Variants in ZC3H10 observed in about 807,000 individuals in gnomAD.
ZC3H10 encodes zinc finger CCCH-type containing 10.
ZC3H10 carries 12 observed loss-of-function variants against 24.3 expected under a neutral mutation model. The ratio of observed to expected loss-of-function variants is 0.49; its 90% CI spans 0.32 to 0.80. ZC3H10 has a LOEUF of 0.80. ZC3H10 is among the 30% of genes least tolerant of loss of function. The pLI, the probability that ZC3H10 is intolerant of heterozygous loss-of-function variation, is 0.04. For synonymous variants in ZC3H10, 226 were observed against 217.0 expected, an observed-to-expected ratio of 1.04 and a Z score of -0.36; for missense variants, 360 against 576.3, an observed-to-expected ratio of 0.62 and a Z score of 3.84.
In ZC3H10 at chr12:56,123,545, C is replaced by A. The variant is rs1333400927; in HGVS notation, c.*1678C>A. On this transcript the variant is annotated 3_prime_UTR_variant, in exon 3 of 3. Coordinates refer to ENST00000257940, the MANE Select transcript of ZC3H10 (RefSeq NM_032786.3). ...CAAGCGATTCTCTTGCGTCAGCCTCCCGAGTAGCTGAGACTACAGGCGCCC... is the reference window on the plus strand; with the variant it reads ...CAAGCGATTCTCTTGCGTCAGCCTCACGAGTAGCTGAGACTACAGGCGCCC... The A allele has an allele frequency of 1.3e-5, 2 of 151,788 alleles. No homozygotes were observed. Among genetic ancestry groups the A allele is most frequent in the East Asian group, 3.9e-4 (2 of 5,172 alleles). The allele number at this position is 151,788 out of a possible 1,614,324, so 9.4% of individuals were successfully genotyped here. A position where few individuals can be genotyped will look rare whatever the true frequency, so the allele number is the denominator to read the frequency against.
intron 2 of ZC3H10, chr12:56,120,208 C>T: frequency 9.5e-7 from 1 of 1,051,984 alleles, no homozygotes; most frequent in Non-Finnish European, 1.1e-6. Flanking sequence ...TTTAATTTCA[C>T]TTCCACAACT....
Position 56,121,118 on chromosome 12 carries a change from C to T in ZC3H10, c.556C>T (p.Arg186Cys), listed in dbSNP as rs145833211. The change falls in exon 3 of 3, where the codon CGT becomes TGT. Residue 186 changes from arginine to cysteine, a missense_variant. Arg to Cys is a radical substitution (Grantham distance 180). This residue lies in a region of ZC3H10 where 101 missense variants were observed against 110.8 expected (regional missense o/e 0.91). Transcript: ENST00000257940. This position sits in a 1 kb window ranked among gnomAD's most constrained non-coding sequence, Gnocchi z 6.2. ...AACAGGCTCAGTCCTCCCAGGACGA[C>T]GTCATGATCTCTATGATATCTATGA... ...GSTGSVLPGR[R>C]HDLYDIYDLP... 1.3e-4 allele frequency: 205 copies of T among 1,614,166 alleles called. No individual in the cohort carries two copies. The highest frequency in any genetic ancestry group is 1.5e-4 in the Non-Finnish European group (182 of 1,180,024).
rs1870024054 is a variant in ZC3H10, at chr12:56,127,222, C to G, written c.*5355C>G. ...CGGTGTACCCTGCACTTTTTCCTTC[C>G]TAAACCTACACCGTACACTGTGGGA... On this transcript the variant is annotated 3_prime_UTR_variant, in exon 3 of 3. Transcript: ENST00000257940. The G allele has an allele frequency of 6.6e-6, 1 of 152,192 alleles. No homozygotes were observed. The highest frequency in any genetic ancestry group is 2.4e-5 in the African/African-American group (1 of 41,452). 9.4% of individuals were successfully genotyped at this position (152,192 alleles called of 1,614,324 possible).
Position 56,127,124 on chromosome 12 carries a change from C to G in ZC3H10, c.*5257C>G, listed in dbSNP as rs937452191. Reference sequence around the variant, plus strand: ...TGACCAACACTTCCCTCATCAACTTCCAATTAGTCTAGTTCCTAGATCCTA... The same window carrying G: ...TGACCAACACTTCCCTCATCAACTTGCAATTAGTCTAGTTCCTAGATCCTA... On this transcript the variant is annotated 3_prime_UTR_variant, in exon 3 of 3. Coordinates refer to ENST00000257940, the MANE Select transcript of ZC3H10 (RefSeq NM_032786.3). The G allele has an allele frequency of 6.6e-6, 1 of 152,178 alleles. No individual in the cohort carries two copies. The allele number at this position is 152,178 out of a possible 1,614,324, so 9.4% of individuals were successfully genotyped here. A position where few individuals can be genotyped will look rare whatever the true frequency, so the allele number is the denominator to read the frequency against.
At position 56,121,854 on chromosome 12, in the gene ZC3H10, C is replaced by G. The variant is rs1190574204; in HGVS notation, c.1292C>G (p.Ala431Gly). 1 of 1,608,928 alleles carries G rather than the reference C, an allele frequency of 6.2e-7. No homozygotes were observed. The highest frequency in any genetic ancestry group is 8.5e-7 in the Non-Finnish European group (1 of 1,176,966). Residue 431 changes from alanine to glycine, a missense_variant, in exon 3 of 3, where the codon GCC becomes GGC. Around this residue, in one of 3 missense-constraint regions of ZC3H10, gnomAD observed 133 missense variants for 256.7 expected, o/e 0.52. Transcript: ENST00000257940. The surrounding 1 kb of genome is among the most constrained non-coding windows in gnomAD (Gnocchi z 6.2). ...GCTTCCCAGAGCATGCGCATCACGG[C>G]CATGCCACACTGATGGGGCTAATGG... The part of the protein sequence containing the change: ...PIASQSMRIT[A>G]MPH
In ZC3H10 at chr12:56,121,964, C is replaced by A; in HGVS notation, c.*97C>A. The A allele has an allele frequency of 7.3e-7, 1 of 1,369,892 alleles. No individual in the cohort carries two copies. Among genetic ancestry groups the A allele is most frequent in the Non-Finnish European group, 9.8e-7 (1 of 1,017,844 alleles). 84.9% of individuals were successfully genotyped at this position (1,369,892 alleles called of 1,614,324 possible). On this transcript the variant is annotated 3_prime_UTR_variant, in exon 3 of 3. Coordinates refer to ENST00000257940, the MANE Select transcript of ZC3H10 (RefSeq NM_032786.3). The surrounding 1 kb of genome is among the most constrained non-coding windows in gnomAD (Gnocchi z 6.2). ...GCCTTCCCCATCCCTGTCTGAAGGG[C>A]TCCCTTGAGAACTAGGACAAGAGAC...
chr12:56,122,329 G>T lies in ZC3H10; in HGVS notation c.*462G>T, dbSNP rs1172855517. 1 of 173,266 alleles carries T rather than the reference G, an allele frequency of 5.8e-6. No individual in the cohort carries two copies. The highest frequency in any genetic ancestry group is 1.4e-5 in the Non-Finnish European group (1 of 72,328). The allele number at this position is 173,266 out of a possible 1,614,324, so 10.7% of individuals were successfully genotyped here. A position where few individuals can be genotyped will look rare whatever the true frequency, so the allele number is the denominator to read the frequency against. ...CCTTCAGACAATTTGGGTCCTAGTT[G>T]CTTGGGTTGGACAATACAGGAATTG... On this transcript the variant is annotated 3_prime_UTR_variant, in exon 3 of 3. Transcript: ENST00000257940.
In ZC3H10 at chr12:56,121,032, G is replaced by C; in HGVS notation, c.470G>C (p.Arg157Pro). 1 of 1,614,184 alleles carries C rather than the reference G, an allele frequency of 6.2e-7. No individual in the cohort carries two copies. Among genetic ancestry groups the C allele is most frequent in the Non-Finnish European group, 8.5e-7 (1 of 1,180,040 alleles). Residue 157 changes from arginine to proline, a missense_variant, in exon 3 of 3, where the codon CGT becomes CCT. Coordinates refer to ENST00000257940, the MANE Select transcript of ZC3H10 (RefSeq NM_032786.3). This position sits in a 1 kb window ranked among gnomAD's most constrained non-coding sequence, Gnocchi z 6.2. ...CAGAGAGGAGCCAAGTGCAAGTTCCGTCACCTGCAACGGGATTTTGAGTTT... is the reference window on the plus strand; with the variant it reads ...CAGAGAGGAGCCAAGTGCAAGTTCCCTCACCTGCAACGGGATTTTGAGTTT... ...DCQRGAKCKF[R>P]HLQRDFEFDA...
chr12:56,118,587 T>G (rs1170889084), intron 1 of ZC3H10: 1 of 152,190 alleles, frequency 6.6e-6, no homozygotes, highest in Non-Finnish European at 1.5e-5. Flanking sequence ...TAGTGTCCCA[T>G]TCACGTAGCC....
rs752140442 is a variant in ZC3H10, at chr12:56,121,822, C to T, written c.1260C>T (p.Tyr420=). ...ACACCACCACTCCCATGGTGACTTA[C>T]CCTATCGCTTCCCAGAGCATGCGCA... ...MSHTTTPMVT[Y]PIASQSMRIT... is the part of the protein sequence containing the mutation. The change falls in exon 3 of 3, where the codon TAC becomes TAT. Residue 420 remains tyrosine, a synonymous_variant. Transcript: ENST00000257940. The surrounding 1 kb of genome is among the most constrained non-coding windows in gnomAD (Gnocchi z 6.2). 4 of 1,613,894 alleles carry T rather than the reference C, an allele frequency of 2.5e-6. No homozygotes were observed. In the East Asian group the frequency reaches 8.9e-5, roughly 36 times the overall value.
Position 56,121,683 on chromosome 12 carries a change from C to T in ZC3H10, c.1121C>T (p.Ala374Val). Residue 374 changes from alanine (A) to valine (V), a missense_variant, in exon 3 of 3, where the codon GCC becomes GTC. Around this residue, in one of 3 missense-constraint regions of ZC3H10, gnomAD observed 133 missense variants for 256.7 expected, o/e 0.52. Coordinates refer to ENST00000257940, the MANE Select transcript of ZC3H10 (RefSeq NM_032786.3). This position sits in a 1 kb window ranked among gnomAD's most constrained non-coding sequence, Gnocchi z 6.2. Reference sequence around the variant, plus strand: ...TCAGCTGCCCTGGCTCAAACAATTGCCCAGGGAATGGCACCTCCACCTGTC... The same window carrying T: ...TCAGCTGCCCTGGCTCAAACAATTGTCCAGGGAATGGCACCTCCACCTGTC... ...PLSAALAQTIAQGMAPPPVSM... is the reference protein window; with the variant it reads ...PLSAALAQTIVQGMAPPPVSM... 1 of 1,613,964 alleles carries T rather than the reference C, an allele frequency of 6.2e-7. No individual in the cohort carries two copies. The highest frequency in any genetic ancestry group is 8.5e-7 in the Non-Finnish European group (1 of 1,179,988).
rs1260915845 is a variant in ZC3H10 at position 56,122,106 on chromosome 12, G to A, written c.*239G>A. On this transcript the variant is annotated 3_prime_UTR_variant, in exon 3 of 3. Transcript: ENST00000257940. ...CAGTGGGGGCTTGCAGAGGAGTGCAGACTGAAGCCAGCAGAGAGGAAGGAC... is the reference window on the plus strand; with the variant it reads ...CAGTGGGGGCTTGCAGAGGAGTGCAAACTGAAGCCAGCAGAGAGGAAGGAC... 3.6e-6 allele frequency: 2 copies of A among 553,064 alleles called. No individual in the cohort carries two copies. The highest frequency in any genetic ancestry group is 3.8e-5 in the African/African-American group (2 of 52,956). The allele number at this position is 553,064 out of a possible 1,614,324, so 34.3% of individuals were successfully genotyped here.
intron 2 of ZC3H10, 172 bp from the exon 3 acceptor site, chr12:56,120,339 G>A: frequency 2.0e-6 from 2 of 985,462 alleles, no homozygotes; most frequent in African/African-American, 3.5e-5. Flanking sequence ...CAGACCAGGT[G>A]CACAAAACCC....
chr12:56,121,452 C>G lies in ZC3H10; in HGVS notation c.890C>G (p.Pro297Arg). The G allele has an allele frequency of 6.2e-7, 1 of 1,610,402 alleles. No individual in the cohort carries two copies. The highest frequency in any genetic ancestry group is 8.5e-7 in the Non-Finnish European group (1 of 1,176,862). The change falls in exon 3 of 3, where the codon CCC becomes CGC. Residue 297 changes from proline (P) to arginine (R), a missense_variant. Transcript: ENST00000257940. This position sits in a 1 kb window ranked among gnomAD's most constrained non-coding sequence, Gnocchi z 6.2. ...CCAGCGACTGAGCAGACTCTGGCCC[C>G]CACTGTGGGCACTGTTGCCACTTTT... Reference protein sequence around the residue: ...TAPATEQTLAPTVGTVATFNH... With the variant: ...TAPATEQTLARTVGTVATFNH...
Position 56,124,263 on chromosome 12 carries a change from G to T in ZC3H10, c.*2396G>T, listed in dbSNP as rs1463967265. 6.6e-6 allele frequency: 1 copy of T among 152,172 alleles called. No individual in the cohort carries two copies. The highest frequency in any genetic ancestry group is 2.4e-5 in the African/African-American group (1 of 41,450). The allele number at this position is 152,172 out of a possible 1,614,324, so 9.4% of individuals were successfully genotyped here. On this transcript the variant is annotated 3_prime_UTR_variant, in exon 3 of 3. Transcript: ENST00000257940. ...TTAAACAAAATTGTGTAGTGATTTT[G>T]TTTTTTGTCTCACTTCATCGCAGTC...
rs1870019962 is a variant in ZC3H10, at chr12:56,127,136, G to C, written c.*5269G>C. The C allele has an allele frequency of 2.0e-5, 3 of 152,056 alleles. No homozygotes were observed. Among genetic ancestry groups the C allele is most frequent in the Admixed American group, 6.5e-5 (1 of 15,268 alleles). The allele number at this position is 152,056 out of a possible 1,614,324, so 9.4% of individuals were successfully genotyped here. ...CCCTCATCAACTTCCAATTAGTCTA[G>C]TTCCTAGATCCTAGGACAACACTCC... On this transcript the variant is annotated 3_prime_UTR_variant, in exon 3 of 3. Transcript: ENST00000257940.
At position 56,125,608 on chromosome 12, in the gene ZC3H10, TG is replaced by T. The variant is rs1467915036; in HGVS notation, c.*3744del. On this transcript the variant is annotated 3_prime_UTR_variant, in exon 3 of 3. Coordinates refer to ENST00000257940, the MANE Select transcript of ZC3H10 (RefSeq NM_032786.3). ...TACATGCAACATCTCATTGACACAA[TG>T]GGTAATATTATTGTACCCATTTTAC... The T allele has an allele frequency of 6.6e-6, 1 of 152,144 alleles. No homozygotes were observed. Among genetic ancestry groups the T allele is most frequent in the Non-Finnish European group, 1.5e-5 (1 of 68,032 alleles). The allele number at this position is 152,144 out of a possible 1,614,324, so 9.4% of individuals were successfully genotyped here.
Position 56,121,432 on chromosome 12 carries a change from G to A in ZC3H10, c.870G>A (p.Ala290=), listed in dbSNP as rs1293632221. The A allele has an allele frequency of 1.4e-5, 22 of 1,610,846 alleles. No individual in the cohort carries two copies. The highest frequency in any genetic ancestry group is 1.7e-5 in the Non-Finnish European group (20 of 1,177,364). Residue 290 remains alanine (A), a synonymous_variant, in exon 3 of 3, where the codon GCG becomes GCA. Transcript: ENST00000257940. This position sits in a 1 kb window ranked among gnomAD's most constrained non-coding sequence, Gnocchi z 6.2. ...KVITLSSTAP[A]TEQTLAPTVG... ...TAACCCTGAGCTCCACTGCACCAGC[G>A]ACTGAGCAGACTCTGGCCCCCACTG...
At position 56,124,425 on chromosome 12, in the gene ZC3H10, G is replaced by T. The variant is rs984358664; in HGVS notation, c.*2558G>T. 9 of 152,288 alleles carry T rather than the reference G, an allele frequency of 5.9e-5. No homozygotes were observed. The highest frequency in any genetic ancestry group is 5.2e-4 in the Admixed American group (8 of 15,284). The allele number at this position is 152,288 out of a possible 1,614,324, so 9.4% of individuals were successfully genotyped here. Reference sequence around the variant, plus strand: ...TGTCAGGCCAGTTCCCAGATTACAGGAGCTACTTTCCTCTCTCTCACCTGC... The same window carrying T: ...TGTCAGGCCAGTTCCCAGATTACAGTAGCTACTTTCCTCTCTCTCACCTGC... On this transcript the variant is annotated 3_prime_UTR_variant, in exon 3 of 3. Coordinates refer to ENST00000257940, the MANE Select transcript of ZC3H10 (RefSeq NM_032786.3).
Sources: allele counts gnomAD v4.1 joint callset, GRCh38; gene constraint gnomAD v4.1.1; regional missense constraint gnomAD v4.1.1; non-coding constraint Gnocchi (gnomAD v3.1); transcripts MANE v1.5; gene names NCBI Gene and HGNC (gene_info 2026-07-23, HGNC 2026-07-21).